Variants in NTRK2 observed in about 807,000 individuals in gnomAD.
The protein encoded by NTRK2 is neurotrophic receptor tyrosine kinase 2.
In NTRK2, 13 loss-of-function variants were observed where a neutral mutation model predicts 94.5. The ratio of observed to expected loss-of-function variants is 0.14; its 90% CI spans 0.09 to 0.22. The LOEUF (loss-of-function observed/expected upper bound fraction) is 0.22. NTRK2 is among the 10% of genes least tolerant of loss of function. The pLI, the probability that NTRK2 is intolerant of heterozygous loss-of-function variation, is 1.00. For missense variants in NTRK2, 639 were observed against 1,071.2 expected (o/e 0.60, Z 5.63); for synonymous variants, 372 against 407.4 (o/e 0.91, Z 1.05).
In NTRK2 at chr9:85,024,299, C is replaced by G. The variant is rs977780171; in HGVS notation, c.*2862C>G. 5.2e-5 allele frequency: 12 copies of G among 232,874 alleles called. No homozygotes were observed. Among genetic ancestry groups the G allele is most frequent in the Non-Finnish European group, 1.7e-5 (2 of 117,878 alleles). 14.4% of individuals were successfully genotyped at this position (232,874 alleles called of 1,614,324 possible). On this transcript the variant is annotated 3_prime_UTR_variant, in exon 19 of 19. Transcript: ENST00000277120. The stretch of plus-strand genomic sequence containing the variant: ...GTCTGATTTTTAGAAGAGTGGCATC[C>G]TCGTTCTAAAATGTAATGATCACCA...
intron 14 of NTRK2, among the ~76,000 whole-genome samples, chr9:84,923,924 CA>C (rs965727624): frequency 2.0e-5 from 3 of 149,104 alleles, no homozygotes; most frequent in African/African-American, 4.9e-5. Context: ...ACAACAAAAA[CA>C]AACAAACAAA....
chr9:84,743,632 T>G (rs1174044985), intron 10 of NTRK2, among the ~76,000 whole-genome samples: 1 of 152,222 alleles, frequency 6.6e-6, no homozygotes, highest in East Asian at 1.9e-4. Flanking sequence ...AAAATTACAT[T>G]TTTGACCCTT....
chr9:84,767,963 A>T (rs529106853), intron 12 of NTRK2, among the ~76,000 whole-genome samples: 1 of 152,356 alleles, frequency 6.6e-6, no homozygotes, highest in East Asian at 1.9e-4. Context: ...GAAAACCAGC[A>T]TGTTTGAAAA....
chr9:84,996,118 T>C (rs929971734), intron 17 of NTRK2, among the ~76,000 whole-genome samples: 1 of 152,250 alleles, frequency 6.6e-6, no homozygotes, highest in Non-Finnish European at 1.5e-5. Context: ...ATTGTGAACA[T>C]ATGAGGCTGC....
intron 10 of NTRK2, 122 bp downstream of exon 10, chr9:84,742,049 C>A (rs2132307885): frequency 1.2e-6 from 1 of 838,506 alleles, no homozygotes; most frequent in Non-Finnish European, 1.9e-6. Context: ...ATTACATAGG[C>A]CAAAATAGTA....
chr9:84,882,717 TGTGC>T (rs1018781419), intron 14 of NTRK2, among the ~76,000 whole-genome samples: 3 of 143,938 alleles, frequency 2.1e-5, no homozygotes, highest in African/African-American at 8.1e-5. Context: ...TGTGTGTGTG[TGTGC>T]GCGCGCGCGC....
intron 14 of NTRK2, among the ~76,000 whole-genome samples, chr9:84,923,824 C>T (rs537232267): frequency 1.8e-4 from 28 of 151,822 alleles, no homozygotes; most frequent in Admixed American, 1.3e-3. Context: ...AGGTTGAGCC[C>T]GGGAGGCGGA....
chr9:85,016,840 A>T (rs918304371), intron 17 of NTRK2, among the ~76,000 whole-genome samples: 5 of 152,316 alleles, frequency 3.3e-5, no homozygotes, highest in Non-Finnish European at 7.4e-5. Context: ...CATTATTTAT[A>T]ACAGCATGCG....
intron 2 of NTRK2, among the ~76,000 whole-genome samples, chr9:84,676,509 C>T (rs1412296023): frequency 1.3e-5 from 2 of 152,174 alleles, no homozygotes; most frequent in African/African-American, 2.4e-5. Context: ...CACTTAGAAT[C>T]GGAACCTCAG....
chr9:84,872,149 G>A, intron 14 of NTRK2: 1 of 1,239,368 alleles, frequency 8.1e-7, no homozygotes, highest in East Asian at 3.4e-5. Context: ...GTTTAGACGT[G>A]TCTGAACACC....
intron 13 of NTRK2, among the ~76,000 whole-genome samples, chr9:84,865,712 G>A (rs979075496): frequency 1.8e-4 from 27 of 152,324 alleles, no homozygotes; most frequent in African/African-American, 5.1e-4. Context: ...TGCCTTGGCT[G>A]GGCATTTGAT....
At chr9:84,872,509 ATGTACCTGGATGTGTT>A (rs1564414588) in intron 14 of NTRK2, 2 of 1,066,584 alleles carry the variant, frequency 1.9e-6, no homozygotes, top group Admixed American at 1.0e-4. Context: ...GTCTCTAAAT[ATGTACCTGGATGTGTT>A]TGTACTTGCA....
intron 14 of NTRK2, chr9:84,877,126 T>C (rs1263302239): frequency 6.6e-6 from 7 of 1,064,860 alleles, no homozygotes; most frequent in Non-Finnish European, 8.0e-6. Context: ...TCGGATTGTG[T>C]ATATGCTCTG....
chr9:84,783,179 A>C (rs982610011), intron 12 of NTRK2, among the ~76,000 whole-genome samples: 14 of 152,212 alleles, frequency 9.2e-5, no homozygotes, highest in Admixed American at 9.2e-4. Context: ...ATTTAGAAGA[A>C]CTGTGAAGGG....
chr9:84,794,127 C>T lies in NTRK2; in HGVS notation c.1396+42042C>T, dbSNP rs112340198. Among the ~76,000 whole-genome samples the T allele has an allele frequency of 2.2e-3, 333 of 152,256 alleles. 2 individuals carry two copies. Among genetic ancestry groups the T allele is most frequent in the African/African-American group, 7.3e-3 (305 of 41,548 alleles). On this transcript the variant is annotated intron_variant, in intron 12 of 18. Transcript: ENST00000277120. ...GTGTTGACGTGTATATCTGCCAGGACGCTGAAAATGTCTACATCCAGGAGT... is the reference window on the plus strand; with the variant it reads ...GTGTTGACGTGTATATCTGCCAGGATGCTGAAAATGTCTACATCCAGGAGT...
At chr9:84,871,850 C>A (rs1036441229) in intron 14 of NTRK2, 1 of 1,613,404 alleles carries the variant, frequency 6.2e-7, no homozygotes, top group Non-Finnish European at 8.5e-7. Context: ...TCCTGTGTCA[C>A]TGCAGGAACT....
intron 12 of NTRK2, among the ~76,000 whole-genome samples, chr9:84,854,547 G>C (rs1013043002): frequency 6.6e-6 from 1 of 152,092 alleles, no homozygotes; most frequent in Non-Finnish European, 1.5e-5. Flanking sequence ...AGATGATAGA[G>C]AGTGGAAAGG....
intron 14 of NTRK2, among the ~76,000 whole-genome samples, chr9:84,909,972 G>A (rs1332914762): frequency 6.6e-6 from 1 of 152,098 alleles, no homozygotes; most frequent in Non-Finnish European, 1.5e-5. Flanking sequence ...TAGGTTTTGT[G>A]CTTTTGGTTG....
In NTRK2 at chr9:84,877,093, C is replaced by T. The variant is rs144577404; in HGVS notation, c.1633+9662C>T. 498 of 1,064,616 alleles carry T rather than the reference C, an allele frequency of 4.7e-4. 2 individuals carry two copies. In the African/African-American group the frequency reaches 6.2e-3, roughly 13 times the overall value. The allele number at this position is 1,064,616 out of a possible 1,614,324, so 65.9% of individuals were successfully genotyped here. On this transcript the variant is annotated intron_variant, in intron 14 of 18. Coordinates refer to ENST00000277120, the MANE Select transcript of NTRK2 (RefSeq NM_006180.6). The stretch of plus-strand genomic sequence containing the variant: ...GCAGAATAAGATCATCACTCATGTC[C>T]TGAATCAATCACACTTTCCTTCTCG...
Sources: allele counts gnomAD v4.1 joint callset (sites outside exome capture counted in the v4.1 genomes callset), GRCh38; gene constraint gnomAD v4.1.1; transcripts MANE v1.5; gene names NCBI Gene and HGNC (gene_info 2026-07-23, HGNC 2026-07-21).